The following KCNT2 variants were observed in gnomAD, a reference collection of about 807,000 sequenced individuals.
KCNT2 encodes the protein potassium channel subfamily T member 2.
Under a neutral mutation model 153.8 loss-of-function variants are expected in KCNT2, and 67 were observed. The observed-to-expected ratio is 0.44, with a 90% CI of 0.36 to 0.53. The LOEUF is 0.53. Among genes scored for constraint, KCNT2 ranks in the 20% least tolerant of loss-of-function variants. The probability of loss-of-function intolerance (pLI) is 0.00; values close to 1 mark genes in which losing one functional copy is unlikely to be tolerated. For missense variants in KCNT2, 975 were observed against 1,354.8 expected (o/e 0.72, Z 4.40); for synonymous variants, 500 against 458.8 (o/e 1.09, Z -1.15).
chr1:196,566,365 G>A (rs1031012233), intron 1 of KCNT2, among the ~76,000 whole-genome samples: 1 of 152,068 alleles, frequency 6.6e-6, no homozygotes, highest in African/African-American at 2.4e-5. Flanking sequence ...TGAATGTTAA[G>A]TTGCAAAGTT....
intron 1 of KCNT2, among the ~76,000 whole-genome samples, chr1:196,501,230 A>G (rs1237343487): frequency 1.3e-5 from 2 of 152,180 alleles, no homozygotes; most frequent in Non-Finnish European, 2.9e-5. Context: ...GAAGTCATTT[A>G]TTATATCAAA....
chr1:196,342,891 C>T (rs1037328510), intron 14 of KCNT2, among the ~76,000 whole-genome samples: 4 of 151,980 alleles, frequency 2.6e-5, no homozygotes, highest in Non-Finnish European at 5.9e-5. Flanking sequence ...AATCCTAATC[C>T]CATTATGATG....
chr1:196,512,061 C>T (rs748797655), intron 1 of KCNT2, among the ~76,000 whole-genome samples: 5 of 152,158 alleles, frequency 3.3e-5, no homozygotes, highest in African/African-American at 4.8e-5. Context: ...GACCTCTACA[C>T]ATAGCAAAAT....
chr1:196,296,968 A>C (rs767112477), intron 22 of KCNT2, among the ~76,000 whole-genome samples: 1 of 152,088 alleles, frequency 6.6e-6, no homozygotes, highest in Non-Finnish European at 1.5e-5. Flanking sequence ...TCCTTGTCTA[A>C]TGTGATATTC....
chr1:196,536,267 G>A (rs958476644), intron 1 of KCNT2, among the ~76,000 whole-genome samples: 9 of 152,194 alleles, frequency 5.9e-5, no homozygotes, highest in African/African-American at 2.2e-4. Flanking sequence ...ATATGGCCTG[G>A]CCCCACATGG....
chr1:196,462,128 T>A (rs1366715517), intron 8 of KCNT2, among the ~76,000 whole-genome samples: 1 of 151,736 alleles, frequency 6.6e-6, no homozygotes, highest in East Asian at 1.9e-4. Flanking sequence ...GAAATATTTC[T>A]CAATAGTCCA....
intron 26 of KCNT2, 27 bp downstream of exon 26, chr1:196,258,167 A>AT (rs1243167371): frequency 1.2e-6 from 2 of 1,607,532 alleles, no homozygotes; most frequent in African/African-American, 2.7e-5. Context: ...ACGAGTCCAT[A>AT]TATACAGTAG....
At chr1:196,480,534 T>C (rs1678914894) in intron 4 of KCNT2, among the ~76,000 whole-genome samples, 1 of 152,096 alleles carries the variant, frequency 6.6e-6, no homozygotes, top group Non-Finnish European at 1.5e-5. Flanking sequence ...CTAGAGCATT[T>C]TTAACATTTT....
At chr1:196,569,659 G>C (rs1365641949) in intron 1 of KCNT2, among the ~76,000 whole-genome samples, 1 of 151,952 alleles carries the variant, frequency 6.6e-6, no homozygotes, top group Non-Finnish European at 1.5e-5. Context: ...CAGACTTCTG[G>C]AGAGAGCTAA....
At chr1:196,239,457 A>C (rs1256224742) in intron 26 of KCNT2, among the ~76,000 whole-genome samples, 2 of 151,978 alleles carry the variant, frequency 1.3e-5, no homozygotes, top group African/African-American at 4.8e-5. Flanking sequence ...TACAATTATT[A>C]AACAAAAATC....
intron 19 of KCNT2, among the ~76,000 whole-genome samples, chr1:196,321,244 T>C (rs1027050259): frequency 1.3e-5 from 2 of 151,822 alleles, no homozygotes; most frequent in Non-Finnish European, 2.9e-5. Flanking sequence ...CACATCTCTC[T>C]CACCCTGTCT....
chr1:196,329,588 T>C (rs1664234936), intron 18 of KCNT2, among the ~76,000 whole-genome samples: 2 of 151,674 alleles, frequency 1.3e-5, no homozygotes, highest in Non-Finnish European at 1.5e-5. Context: ...GACTGAAGCA[T>C]ATATTATTTT....
At chr1:196,262,841 C>T (rs1001623552) in intron 25 of KCNT2, among the ~76,000 whole-genome samples, 10 of 151,956 alleles carry the variant, frequency 6.6e-5, no homozygotes, top group African/African-American at 2.4e-4. Flanking sequence ...AATAAATAAG[C>T]TGTGTTTTCA....
At chr1:196,415,633 A>T (rs2148497495) in intron 12 of KCNT2, among the ~76,000 whole-genome samples, 1 of 152,000 alleles carries the variant, frequency 6.6e-6, no homozygotes, top group South Asian at 2.1e-4. Context: ...AGTCCCTCAA[A>T]GTTTCTGTCT....
chr1:196,248,690 T>C (rs1013648129), intron 26 of KCNT2, among the ~76,000 whole-genome samples: 1 of 152,142 alleles, frequency 6.6e-6, no homozygotes, highest in African/African-American at 2.4e-5. Flanking sequence ...CAGACCCTTA[T>C]GGCTACACTC....
intron 27 of KCNT2, among the ~76,000 whole-genome samples, chr1:196,230,573 T>G (rs1464381658): frequency 3.9e-5 from 6 of 151,956 alleles, no homozygotes; most frequent in Admixed American, 2.6e-4. Context: ...AATATCAACA[T>G]TAACAGAAGT....
At chr1:196,343,180 A>G (rs1299179654) in intron 14 of KCNT2, 1 of 152,212 alleles carries the variant, frequency 6.6e-6, no homozygotes. Context: ...TGAACTGACT[A>G]AATCTCCAAA....
At chr1:196,605,554 A>G (rs1208676966) in intron 1 of KCNT2, among the ~76,000 whole-genome samples, 1 of 152,154 alleles carries the variant, frequency 6.6e-6, no homozygotes, top group African/African-American at 2.4e-5. Flanking sequence ...GTTCAAAGAA[A>G]GTTGCTTTGA....
At position 196,435,131 on chromosome 1, in the gene KCNT2, GTGTGTA is replaced by G. The variant is rs1467732464; in HGVS notation, c.639-5380_639-5375del. Among the ~76,000 whole-genome samples, 248 of 82,834 alleles carry G rather than the reference GTGTGTA, an allele frequency of 3.0e-3. 3 individuals carry two copies. Among genetic ancestry groups the G allele is most frequent in the African/African-American group, 9.4e-3 (238 of 25,356 alleles). The allele number at this position is 82,834 out of a possible 152,430, so 54.3% of individuals were successfully genotyped here. ...TTTAGCAATAGATACTTATGTGTGT[GTGTGTA>G]TGTATATATATATATATATATATAT... On this transcript the variant is annotated intron_variant, in intron 8 of 27. Coordinates refer to ENST00000294725, the MANE Select transcript of KCNT2 (RefSeq NM_198503.5).
Sources: allele counts gnomAD v4.1 joint callset (sites outside exome capture counted in the v4.1 genomes callset), GRCh38; gene constraint gnomAD v4.1.1; transcripts MANE v1.5; gene names NCBI Gene and HGNC (gene_info 2026-07-23, HGNC 2026-07-21).